Variants in SLC4A10 observed in about 807,000 individuals in gnomAD.
SLC4A10 encodes solute carrier family 4 member 10.
In SLC4A10, 42 loss-of-function variants were observed where a neutral mutation model predicts 137.7. The observed-to-expected ratio is 0.30, with a 90% CI of 0.24 to 0.39. The LOEUF (loss-of-function observed/expected upper bound fraction) is 0.39. SLC4A10 is among the 10% of genes least tolerant of loss of function. The pLI is 1.00. For missense variants in SLC4A10, 925 were observed against 1,355.0 expected, an observed-to-expected ratio of 0.68 and a Z score of 4.98; for synonymous variants, 474 against 464.1, an observed-to-expected ratio of 1.02 and a Z score of -0.27.
intron 1 of SLC4A10, among the ~76,000 whole-genome samples, chr2:161,726,375 G>T (rs184929596): frequency 8.9e-4 from 136 of 152,114 alleles, no homozygotes; most frequent in Middle Eastern, 3.4e-3. Context: ...ATCTCCAGAA[G>T]TCCTGTTAAA....
At position 161,873,913 on chromosome 2, in the gene SLC4A10, C is replaced by A; in HGVS notation, c.859-3C>A. On this transcript the variant is annotated splice_polypyrimidine_tract_variant and splice_region_variant and intron_variant, in intron 7 of 26. Transcript: ENST00000446997. ...AGCTTAAGTCTGTTAATTATGCGTGCAGGGACTGGGAGGCCAACAAAAGGG... is the reference window on the plus strand; with the variant it reads ...AGCTTAAGTCTGTTAATTATGCGTGAAGGGACTGGGAGGCCAACAAAAGGG... 1 of 1,591,758 alleles carries A rather than the reference C, an allele frequency of 6.3e-7. No homozygotes were observed. Among genetic ancestry groups the A allele is most frequent in the Non-Finnish European group, 8.5e-7 (1 of 1,176,774 alleles).
At chr2:161,839,118 T>G (rs551550511) in intron 3 of SLC4A10, among the ~76,000 whole-genome samples, 1 of 152,368 alleles carries the variant, frequency 6.6e-6, no homozygotes, top group Admixed American at 6.5e-5. Flanking sequence ...CAATGGACTG[T>G]TACTCAGCTA....
chr2:161,859,466 T>G (rs2125875196), intron 5 of SLC4A10, among the ~76,000 whole-genome samples: 1 of 151,652 alleles, frequency 6.6e-6, no homozygotes, highest in Admixed American at 6.6e-5. Context: ...AATTTTTTTG[T>G]ATTTTAGTAG....
chr2:161,668,428 G>A (rs535208363), intron 1 of SLC4A10, among the ~76,000 whole-genome samples: 1 of 151,716 alleles, frequency 6.6e-6, no homozygotes, highest in Non-Finnish European at 1.5e-5. Flanking sequence ...CCAGAGAGTG[G>A]ATTATACAGA....
chr2:161,837,493 C>A (rs1329083247), intron 3 of SLC4A10, among the ~76,000 whole-genome samples: 1 of 152,090 alleles, frequency 6.6e-6, no homozygotes, highest in African/African-American at 2.4e-5. Context: ...TTGGAAAAAT[C>A]ATTACACTTA....
chr2:161,903,066 C>G (rs1683480912), intron 12 of SLC4A10, among the ~76,000 whole-genome samples: 1 of 152,052 alleles, frequency 6.6e-6, no homozygotes, highest in African/African-American at 2.4e-5. Context: ...AATGTTAAGT[C>G]TGCGTATTGT....
At chr2:161,978,384 C>CAAAAAAAAAAAAAAA (rs61399867) in intron 26 of SLC4A10, among the ~76,000 whole-genome samples, 6 of 90,348 alleles carry the variant, frequency 6.6e-5, no homozygotes, top group Non-Finnish European at 1.3e-4. Context: ...GAGACTCTGT[C>CAAAAAAAAAAAAAAA]AAAAAAAAAA....
chr2:161,827,391 T>C (rs1449149843), intron 3 of SLC4A10, among the ~76,000 whole-genome samples: 1 of 152,216 alleles, frequency 6.6e-6, no homozygotes, highest in African/African-American at 2.4e-5. Context: ...AACTTATCTT[T>C]GGAGCACCCA....
rs2044364512 is a variant in SLC4A10, at chr2:161,712,178, A to G, written c.49-58795A>G. The stretch of plus-strand genomic sequence containing the variant: ...ATTCTAACATTTACTGACAATAAGA[A>G]TTGTGACTTGATGAAAGATTTTGTG... On this transcript the variant is annotated intron_variant, in intron 1 of 26. Transcript: ENST00000446997. Among the ~76,000 whole-genome samples, 5 of 152,010 alleles carry G rather than the reference A, an allele frequency of 3.3e-5. No homozygotes were observed. The South Asian group carries it at 1.0e-3, about 31-fold the overall frequency.
chr2:161,758,957 C>T (rs1410991860), intron 1 of SLC4A10, among the ~76,000 whole-genome samples: 1 of 151,816 alleles, frequency 6.6e-6, no homozygotes, highest in Non-Finnish European at 1.5e-5. Context: ...TTTAAAATTT[C>T]AAGTATTTTA....
chr2:161,643,490 C>T (rs2035592394), intron 1 of SLC4A10, among the ~76,000 whole-genome samples: 1 of 152,028 alleles, frequency 6.6e-6, no homozygotes, highest in African/African-American at 2.4e-5. Flanking sequence ...TATAATATGG[C>T]ATATATACTT....
intron 1 of SLC4A10, among the ~76,000 whole-genome samples, chr2:161,734,285 G>C (rs1182270661): frequency 6.6e-6 from 1 of 152,072 alleles, no homozygotes; most frequent in Admixed American, 6.5e-5. Flanking sequence ...GTTGTGGGAG[G>C]GACCCTGTGG....
At chr2:161,708,831 T>C (rs533392244) in intron 1 of SLC4A10, 303 of 1,530,110 alleles carry the variant, frequency 2.0e-4, no homozygotes, top group Non-Finnish European at 2.3e-4. Flanking sequence ...AGTCATCAGG[T>C]ATGACCTCAT....
At chr2:161,644,690 C>T (rs2035786878) in intron 1 of SLC4A10, among the ~76,000 whole-genome samples, 2 of 152,162 alleles carry the variant, frequency 1.3e-5, no homozygotes. Flanking sequence ...AGTAACCAAA[C>T]TATCCCTTAT....
intron 15 of SLC4A10, among the ~76,000 whole-genome samples, chr2:161,925,094 T>C (rs1390979348): frequency 1.3e-5 from 2 of 152,162 alleles, no homozygotes; most frequent in Non-Finnish European, 2.9e-5. Context: ...CTCACTCTTC[T>C]GGCTATCTTG....
chr2:161,924,811 A>G (rs949415367), intron 15 of SLC4A10, among the ~76,000 whole-genome samples: 29 of 152,192 alleles, frequency 1.9e-4, no homozygotes, highest in African/African-American at 6.3e-4. Flanking sequence ...CATTGTATTC[A>G]CTAACACAGT....
rs1286769105 is a variant in SLC4A10 at position 161,983,306 on chromosome 2, C to A, written c.*154C>A. 2 of 1,430,284 alleles carry A rather than the reference C, an allele frequency of 1.4e-6. No homozygotes were observed. Among genetic ancestry groups the A allele is most frequent in the South Asian group, 1.2e-5 (1 of 80,574 alleles). 88.6% of individuals were successfully genotyped at this position (1,430,284 alleles called of 1,614,324 possible). On this transcript the variant is annotated 3_prime_UTR_variant, in exon 27 of 27. Transcript: ENST00000446997. ...AAGAGTGTCACAATTATTAATAAAA[C>A]TGCTTTGATCATGTATTGTAAATTC...
chr2:161,706,117 A>C (rs1460445223), intron 1 of SLC4A10, among the ~76,000 whole-genome samples: 1 of 151,592 alleles, frequency 6.6e-6, no homozygotes, highest in African/African-American at 2.4e-5. Context: ...AATAGATCTT[A>C]TCAACTAGAT....
intron 1 of SLC4A10, among the ~76,000 whole-genome samples, chr2:161,634,790 A>G (rs2034149965): frequency 6.6e-6 from 1 of 151,996 alleles, no homozygotes; most frequent in South Asian, 2.1e-4. Flanking sequence ...TGTACAATAG[A>G]ACACCAGAAC....
Sources: gnomAD v4.1 joint callset for allele counts (sites outside exome capture counted in the v4.1 genomes callset) on GRCh38, gnomAD v4.1.1 for gene constraint, MANE v1.5 for transcripts, NCBI Gene and HGNC (gene_info 2026-07-23, HGNC 2026-07-21) for gene names.